Variants in HTR2C observed in about 807,000 individuals in gnomAD.
HTR2C encodes 5-hydroxytryptamine receptor 2C, also known as 5-hydroxytryptamine (serotonin) receptor 2C, G protein-coupled.
A neutral mutation model predicts 21.0 loss-of-function variants in HTR2C; 5 were observed. The ratio of observed to expected loss-of-function variants is 0.24; its 90% CI spans 0.12 to 0.50. HTR2C has a LOEUF of 0.50. Among genes scored for constraint, HTR2C ranks in the 20% least tolerant of loss-of-function variants. The pLI is 0.98. For missense variants in HTR2C, 271 were observed against 371.2 expected, an observed-to-expected ratio of 0.73 and a Z score of 2.22; for synonymous variants, 150 against 145.3, an observed-to-expected ratio of 1.03 and a Z score of -0.23.
intron 2 of HTR2C, among the ~76,000 whole-genome samples, chrX:114,656,212 T>G (rs1238226829): frequency 9.0e-6 from 1 of 110,971 alleles, no homozygotes; most frequent in Non-Finnish European, 1.9e-5. Context: ...TGATTTATTG[T>G]CTCACTACTA....
intron 5 of HTR2C, among the ~76,000 whole-genome samples, chrX:114,876,652 T>C (rs1556478322): frequency 9.1e-6 from 1 of 110,143 alleles, no homozygotes; most frequent in Non-Finnish European, 1.9e-5. Flanking sequence ...TAAAAGAATA[T>C]TGAATTATGT....
At chrX:114,629,686 A>G (rs184050885) in intron 2 of HTR2C, among the ~76,000 whole-genome samples, 194 of 111,906 alleles carry the variant, frequency 1.7e-3, no homozygotes, top group African/African-American at 5.8e-3. Context: ...TAATTAATTA[A>G]TTATATCTAT....
chrX:114,891,789 G>GTT (rs1178887263), intron 5 of HTR2C, among the ~76,000 whole-genome samples: 1 of 109,135 alleles, frequency 9.2e-6, no homozygotes, highest in Non-Finnish European at 1.9e-5. Context: ...GGCAATAGCT[G>GTT]TTTTTTTTTA....
At chrX:114,688,320 C>CAA (rs61292601) in intron 2 of HTR2C, among the ~76,000 whole-genome samples, 1 of 77,569 alleles carries the variant, frequency 1.3e-5, no homozygotes, top group Non-Finnish European at 2.5e-5. Flanking sequence ...GACTCCATCT[C>CAA]AAAAAAAAAA....
intron 5 of HTR2C, among the ~76,000 whole-genome samples, chrX:114,884,466 CAAAT>C (rs782060130): frequency 1.7e-4 from 19 of 110,707 alleles, no homozygotes; most frequent in East Asian, 1.4e-3. Flanking sequence ...GGTAAGGAAA[CAAAT>C]AATCCAAATA....
chrX:114,836,187 G>A (rs1457251647), intron 4 of HTR2C, among the ~76,000 whole-genome samples: 1 of 110,085 alleles, frequency 9.1e-6, no homozygotes, highest in Non-Finnish European at 1.9e-5. Context: ...CCCGGAGGTG[G>A]AGCCTACAGA....
At chrX:114,727,131 C>A (rs1822412368) in intron 3 of HTR2C, among the ~76,000 whole-genome samples, 160 bp downstream of exon 3, 1 of 111,294 alleles carries the variant, frequency 9.0e-6, no homozygotes, top group Admixed American at 9.6e-5. Flanking sequence ...GTTTCCTATT[C>A]AAAAATAATT....
At chrX:114,850,110 C>G (rs782300463) in intron 5 of HTR2C, among the ~76,000 whole-genome samples, 202 of 111,328 alleles carry the variant, frequency 1.8e-3, no homozygotes, top group African/African-American at 6.4e-3. Context: ...GGAACTTAAG[C>G]ATAATATGAA....
chrX:114,830,149 G>T (rs1556460115), intron 4 of HTR2C, among the ~76,000 whole-genome samples: 1 of 111,326 alleles, frequency 9.0e-6, no homozygotes, highest in Non-Finnish European at 1.9e-5. Context: ...CAGAGCTCCT[G>T]GTGTATAGTG....
chrX:114,715,398 C>G, intron 2 of HTR2C: 1 of 338,203 alleles, frequency 3.0e-6, no homozygotes, highest in South Asian at 2.8e-5. Context: ...AGTTTGTGAT[C>G]TCTTAATCTA....
At chrX:114,629,132 C>A (rs1006586297) in intron 2 of HTR2C, among the ~76,000 whole-genome samples, 1 of 111,517 alleles carries the variant, frequency 9.0e-6, no homozygotes, top group Non-Finnish European at 1.9e-5. Context: ...AGTTTAGAAA[C>A]GGGTCTCCAT....
chrX:114,587,352 A>C (rs1927442545), intron 1 of HTR2C, among the ~76,000 whole-genome samples: 1 of 111,462 alleles, frequency 9.0e-6, no homozygotes, highest in South Asian at 3.8e-4. Context: ...GGAATACCTC[A>C]CAAAAGGATG....
chrX:114,617,345 T>G (rs1346409140), intron 2 of HTR2C, among the ~76,000 whole-genome samples: 1 of 111,264 alleles, frequency 9.0e-6, no homozygotes, highest in Non-Finnish European at 1.9e-5. Context: ...GAGGCTGAAG[T>G]GGGAGAATTG....
chrX:114,664,390 C>T (rs1931102089), intron 2 of HTR2C, among the ~76,000 whole-genome samples: 1 of 111,593 alleles, frequency 9.0e-6, no homozygotes, highest in Non-Finnish European at 1.9e-5. Context: ...CACCTCCAGA[C>T]TCCAGTGTGT....
At chrX:114,828,768 C>G (rs1556459453) in intron 4 of HTR2C, among the ~76,000 whole-genome samples, 1 of 111,571 alleles carries the variant, frequency 9.0e-6, no homozygotes, top group Admixed American at 9.5e-5. Flanking sequence ...CACTAGTCTC[C>G]TATCTGTCTT....
At chrX:114,857,163 T>C (rs1011084882) in intron 5 of HTR2C, among the ~76,000 whole-genome samples, 1 of 110,962 alleles carries the variant, frequency 9.0e-6, no homozygotes. Context: ...CTCCAAATCA[T>C]TTTCTTCATT....
intron 4 of HTR2C, among the ~76,000 whole-genome samples, chrX:114,781,304 T>C (rs1190599563): frequency 9.0e-6 from 1 of 110,508 alleles, no homozygotes; most frequent in Non-Finnish European, 1.9e-5. Flanking sequence ...CCGGATAACA[T>C]AACAAGACGC....
rs1303437873 is a variant in HTR2C, at chrX:114,791,548, CTATT to C, written c.350-56452_350-56449del. Among the ~76,000 whole-genome samples the C allele has an allele frequency of 4.5e-5, 5 of 111,565 alleles. No individual in the cohort carries two copies. The East Asian group carries it at 1.4e-3, about 31-fold the overall frequency. ...TTTCCTCCCACTCCCAAGTTTATAA[CTATT>C]TAATTCAAAACTATAAGCAGGAAAA... On this transcript the variant is annotated intron_variant, in intron 4 of 5. Transcript: ENST00000276198.
At chrX:114,645,898 G>A (rs1259843973) in intron 2 of HTR2C, among the ~76,000 whole-genome samples, 1 of 111,626 alleles carries the variant, frequency 9.0e-6, no homozygotes, top group Non-Finnish European at 1.9e-5. Context: ...GGATGATTAT[G>A]AATAAAATGG....
Sources: allele counts gnomAD v4.1 joint callset (sites outside exome capture counted in the v4.1 genomes callset), GRCh38; gene constraint gnomAD v4.1.1; transcripts MANE v1.5; gene names NCBI Gene and HGNC (gene_info 2026-07-23, HGNC 2026-07-21).